RCAN2: variants seen among roughly 807,000 people sequenced by gnomAD.
The protein encoded by RCAN2 is calcipressin-2.
Under a neutral mutation model 23.6 loss-of-function variants are expected in RCAN2, and 9 were observed. That is an observed-to-expected ratio of 0.38 (90% CI 0.23 to 0.67). RCAN2 has a LOEUF of 0.67. RCAN2 is among the 30% of genes least tolerant of loss of function. The pLI is 0.51. For synonymous variants in RCAN2, 109 were observed against 115.7 expected (o/e 0.94, Z 0.37); for missense variants, 273 against 302.3 (o/e 0.90, Z 0.72).
chr6:46,320,730 G>A (rs866205130), intron 2 of RCAN2, among the ~76,000 whole-genome samples: 1 of 152,130 alleles, frequency 6.6e-6, no homozygotes, highest in Admixed American at 6.5e-5. Context: ...CCTTTCAGAA[G>A]AGAAAAGAGC....
At chr6:46,317,605 G>A (rs932406763) in intron 2 of RCAN2, among the ~76,000 whole-genome samples, 1 of 152,094 alleles carries the variant, frequency 6.6e-6, no homozygotes, top group African/African-American at 2.4e-5. Flanking sequence ...GGGAGTACAG[G>A]CGCCTGTCAC....
At chr6:46,257,406 A>C (rs1766954421) in intron 2 of RCAN2, among the ~76,000 whole-genome samples, 1 of 152,160 alleles carries the variant, frequency 6.6e-6, no homozygotes, top group Non-Finnish European at 1.5e-5. Context: ...TGCTATAAAG[A>C]AATACCTGAG....
intron 2 of RCAN2, among the ~76,000 whole-genome samples, chr6:46,271,238 G>C (rs935107): frequency 6.6e-6 from 1 of 152,046 alleles, no homozygotes; most frequent in South Asian, 2.1e-4. Flanking sequence ...AGGCTTGACA[G>C]GGCTGAAATC....
chr6:46,473,625 A>G (rs2150442911), intron 1 of RCAN2, among the ~76,000 whole-genome samples: 1 of 152,352 alleles, frequency 6.6e-6, no homozygotes, highest in South Asian at 2.1e-4. Flanking sequence ...TAACCTCAGT[A>G]GTATTTTCAT....
chr6:46,244,787 G>T (rs1409620337), intron 4 of RCAN2, among the ~76,000 whole-genome samples: 3 of 152,206 alleles, frequency 2.0e-5, no homozygotes, highest in Non-Finnish European at 4.4e-5. Flanking sequence ...AGGTCCTCTA[G>T]CCAAGACCTT....
chr6:46,266,891 A>G (rs1346831244), intron 2 of RCAN2, among the ~76,000 whole-genome samples: 1 of 152,152 alleles, frequency 6.6e-6, no homozygotes, highest in Non-Finnish European at 1.5e-5. Context: ...CCTGCATAGA[A>G]CTTGGGACAT....
At chr6:46,301,106 C>A (rs543503142) in intron 2 of RCAN2, among the ~76,000 whole-genome samples, 2 of 151,958 alleles carry the variant, frequency 1.3e-5, no homozygotes, top group South Asian at 4.2e-4. Flanking sequence ...AATGAAAATT[C>A]CAACACTAGT....
Position 46,467,058 on chromosome 6 carries a change from T to C in RCAN2, c.-2-10080A>G, listed in dbSNP as rs1310802873. Among the ~76,000 whole-genome samples the C allele has an allele frequency of 6.6e-5, 10 of 152,254 alleles. No individual in the cohort carries two copies. The South Asian group carries it at 1.7e-3, about 25-fold the overall frequency. On this transcript the variant is annotated intron_variant, in intron 1 of 4. Coordinates refer to ENST00000371374, the MANE Select transcript of RCAN2 (RefSeq NM_001251974.2). ...CTAGATGAGATTCCCCAGTTACTGA[T>C]TGCTATTGTCTTGCGCTTGCACCTC...
chr6:46,446,077 T>C (rs897616684), intron 2 of RCAN2, among the ~76,000 whole-genome samples: 3 of 150,692 alleles, frequency 2.0e-5, no homozygotes, highest in African/African-American at 7.3e-5. Context: ...AGGTCTCCAC[T>C]AAGATTCAGC....
At chr6:46,334,867 C>T (rs761970333) in intron 2 of RCAN2, among the ~76,000 whole-genome samples, 25 of 152,190 alleles carry the variant, frequency 1.6e-4, no homozygotes, top group Admixed American at 9.8e-4. Flanking sequence ...TGCCTTAATT[C>T]GTTCTTTAGG....
chr6:46,259,057 G>A (rs566136296), intron 2 of RCAN2, among the ~76,000 whole-genome samples: 12 of 152,114 alleles, frequency 7.9e-5, no homozygotes, highest in South Asian at 2.1e-4. Context: ...ACAGTGGTGC[G>A]CACCTGTGGA....
chr6:46,373,632 C>T (rs929033954), intron 2 of RCAN2, among the ~76,000 whole-genome samples: 2 of 152,052 alleles, frequency 1.3e-5, no homozygotes, highest in African/African-American at 4.8e-5. Flanking sequence ...CACATTTTTT[C>T]CTTATCTTTA....
At chr6:46,471,916 C>A (rs1380464850) in intron 1 of RCAN2, among the ~76,000 whole-genome samples, 1 of 152,104 alleles carries the variant, frequency 6.6e-6, no homozygotes, top group African/African-American at 2.4e-5. Flanking sequence ...CTCACACAGT[C>A]CCCCTTACCT....
At chr6:46,462,401 G>A (rs924542467) in intron 1 of RCAN2, among the ~76,000 whole-genome samples, 1 of 152,206 alleles carries the variant, frequency 6.6e-6, no homozygotes, top group African/African-American at 2.4e-5. Flanking sequence ...GAAGCCTGGA[G>A]AAGGGAGGGT....
At chr6:46,307,450 G>T (rs984172892) in intron 2 of RCAN2, among the ~76,000 whole-genome samples, 3 of 152,114 alleles carry the variant, frequency 2.0e-5, no homozygotes, top group African/African-American at 7.2e-5. Flanking sequence ...GGGAAGTTAA[G>T]AGAGGCAGGG....
At chr6:46,391,456 C>T (rs1281702447) in intron 2 of RCAN2, among the ~76,000 whole-genome samples, 1 of 152,074 alleles carries the variant, frequency 6.6e-6, no homozygotes, top group African/African-American at 2.4e-5. Flanking sequence ...GTTATGGTAC[C>T]TCATTTGGCT....
intron 2 of RCAN2, among the ~76,000 whole-genome samples, chr6:46,404,704 C>T (rs1766347662): frequency 6.6e-6 from 1 of 151,962 alleles, no homozygotes. Flanking sequence ...GTTACTAAGA[C>T]AAAAATAAAT....
chr6:46,343,340 G>C (rs73453936), intron 2 of RCAN2, among the ~76,000 whole-genome samples: 2,944 of 151,064 alleles, frequency 0.019, 75 homozygotes, highest in African/African-American at 0.065. Context: ...TATTTCACGT[G>C]AGAATGTAAA....
intron 2 of RCAN2, among the ~76,000 whole-genome samples, chr6:46,377,952 A>C (rs571655966): frequency 1.3e-5 from 2 of 152,320 alleles, no homozygotes; most frequent in African/African-American, 4.8e-5. Flanking sequence ...AGGATCTTGT[A>C]GGATTAAAAG....
Sources: gnomAD v4.1 joint callset for allele counts (sites outside exome capture counted in the v4.1 genomes callset) on GRCh38, gnomAD v4.1.1 for gene constraint, MANE v1.5 for transcripts, NCBI Gene and HGNC (gene_info 2026-07-23, HGNC 2026-07-21) for gene names.